Variants in KCNIP4 observed in about 807,000 individuals in gnomAD.
KCNIP4 encodes potassium voltage-gated channel interacting protein 4.
In KCNIP4, 12 loss-of-function variants were observed where a neutral mutation model predicts 34.0. The observed-to-expected ratio is 0.35, with a 90% CI of 0.23 to 0.57. KCNIP4 has a LOEUF of 0.57. Among genes scored for constraint, KCNIP4 ranks in the 20% least tolerant of loss-of-function variants. The pLI is 0.83. For missense variants in KCNIP4, 238 were observed against 311.7 expected, an observed-to-expected ratio of 0.76 and a Z score of 1.78; for synonymous variants, 124 against 102.2, an observed-to-expected ratio of 1.21 and a Z score of -1.29.
rs1005739173 is a variant in KCNIP4, at chr4:21,553,145, G to T, written c.61+395426C>A. 9.4e-5 allele frequency among the ~76,000 whole-genome samples: 10 copies of T among 106,756 alleles called. 1 individual carries two copies. The East Asian group carries it at 6.5e-3, about 70-fold the overall frequency. 70.0% of individuals were successfully genotyped at this position (106,756 alleles called of 152,430 possible). A position where few individuals can be genotyped will look rare whatever the true frequency, so the allele number is the denominator to read the frequency against. ...AAATAACATCTGAAAGCTTAAAGGG[G>T]GGGGTCATAAAAGAGTTGGAATAAC... is the stretch of plus-strand genomic sequence containing the variant. On this transcript the variant is annotated intron_variant, in intron 1 of 8. Coordinates refer to ENST00000382152, the MANE Select transcript of KCNIP4 (RefSeq NM_025221.6).
intron 1 of KCNIP4, among the ~76,000 whole-genome samples, chr4:21,239,146 T>C (rs1424061040): frequency 6.6e-6 from 1 of 151,826 alleles, no homozygotes; most frequent in Non-Finnish European, 1.5e-5. Context: ...ATTTAACAAA[T>C]GGTGCTGGGA....
At chr4:21,257,575 C>A (rs1005949204) in intron 1 of KCNIP4, among the ~76,000 whole-genome samples, 6 of 151,908 alleles carry the variant, frequency 3.9e-5, no homozygotes, top group African/African-American at 1.4e-4. Flanking sequence ...TGGTGAAACC[C>A]TGTCCTCTAC....
At chr4:20,792,343 C>G (rs1288656020) in intron 3 of KCNIP4, among the ~76,000 whole-genome samples, 1 of 151,926 alleles carries the variant, frequency 6.6e-6, no homozygotes, top group African/African-American at 2.4e-5. Flanking sequence ...CCAGCCTGGG[C>G]AACAGAACGA....
intron 1 of KCNIP4, among the ~76,000 whole-genome samples, chr4:21,722,675 A>G (rs183907364): frequency 6.6e-6 from 1 of 152,110 alleles, no homozygotes; most frequent in Admixed American, 6.6e-5. Flanking sequence ...TGGCAAGATC[A>G]TATGGTTACT....
intron 1 of KCNIP4, among the ~76,000 whole-genome samples, chr4:21,386,662 A>C (rs186751981): frequency 6.6e-6 from 1 of 152,324 alleles, no homozygotes. Flanking sequence ...TAGCAGATTC[A>C]GTATAAACAG....
chr4:21,578,319 C>A (rs376958179), intron 1 of KCNIP4, among the ~76,000 whole-genome samples: 5 of 110,374 alleles, frequency 4.5e-5, no homozygotes, highest in East Asian at 5.4e-4. Flanking sequence ...GGTGACAGAG[C>A]GAGACTCCGT....
intron 1 of KCNIP4, among the ~76,000 whole-genome samples, chr4:21,042,846 C>A (rs1240301115): frequency 1.3e-5 from 2 of 152,066 alleles, no homozygotes; most frequent in Non-Finnish European, 2.9e-5. Flanking sequence ...GAGAATGTGT[C>A]TCCATTATGC....
chr4:21,770,563 T>C (rs1321281104), intron 1 of KCNIP4, among the ~76,000 whole-genome samples: 1 of 152,104 alleles, frequency 6.6e-6, no homozygotes, highest in Non-Finnish European at 1.5e-5. Flanking sequence ...CTAATTTACA[T>C]TCCCACCAAC....
intron 3 of KCNIP4, among the ~76,000 whole-genome samples, chr4:20,775,931 C>T (rs1443603560): frequency 1.3e-5 from 2 of 152,138 alleles, no homozygotes; most frequent in African/African-American, 2.4e-5. Flanking sequence ...CAGTCTAACT[C>T]TTATTCCTTT....
At chr4:21,676,323 TAA>T (rs1334000577) in intron 1 of KCNIP4, among the ~76,000 whole-genome samples, 1 of 152,208 alleles carries the variant, frequency 6.6e-6, no homozygotes. Context: ...AATATAAACT[TAA>T]GAGTGACATT....
intron 1 of KCNIP4, among the ~76,000 whole-genome samples, chr4:21,436,041 T>C (rs1455091583): frequency 6.6e-6 from 1 of 152,174 alleles, no homozygotes; most frequent in Non-Finnish European, 1.5e-5. Context: ...CAGGATGCCT[T>C]ATTTCCAGAA....
At chr4:21,571,137 C>T (rs1740336030) in intron 1 of KCNIP4, among the ~76,000 whole-genome samples, 1 of 152,168 alleles carries the variant, frequency 6.6e-6, no homozygotes, top group African/African-American at 2.4e-5. Context: ...TCGTTCAGTT[C>T]ATTTATAATC....
intron 1 of KCNIP4, among the ~76,000 whole-genome samples, chr4:21,421,665 T>C (rs1725461940): frequency 6.6e-6 from 1 of 152,318 alleles, no homozygotes; most frequent in Admixed American, 6.5e-5. Context: ...TCAGTTAAGA[T>C]AAATAAGTTC....
chr4:21,535,944 A>G (rs1298095997), intron 1 of KCNIP4, among the ~76,000 whole-genome samples: 1 of 152,094 alleles, frequency 6.6e-6, no homozygotes. Context: ...TCTCCAAATC[A>G]TCTCCCTTGG....
intron 1 of KCNIP4, among the ~76,000 whole-genome samples, chr4:21,486,133 T>C (rs1731888843): frequency 2.0e-5 from 3 of 152,212 alleles, no homozygotes; most frequent in Admixed American, 6.6e-5. Context: ...AAGCTGCATT[T>C]ATTTACTTTT....
intron 1 of KCNIP4, among the ~76,000 whole-genome samples, chr4:20,936,212 A>T (rs111308726): frequency 2.6e-5 from 4 of 152,298 alleles, no homozygotes; most frequent in African/African-American, 9.6e-5. Context: ...TGGTGAAAGC[A>T]AAGGGGCTGT....
chr4:21,484,368 A>G (rs1030869603), intron 1 of KCNIP4, among the ~76,000 whole-genome samples: 4 of 152,068 alleles, frequency 2.6e-5, no homozygotes, highest in African/African-American at 9.7e-5. Flanking sequence ...TGGAGGTTGC[A>G]GTGAGGCGAG....
intron 1 of KCNIP4, among the ~76,000 whole-genome samples, chr4:21,183,499 A>C (rs1755000389): frequency 6.8e-6 from 1 of 147,856 alleles, no homozygotes; most frequent in Admixed American, 6.8e-5. Context: ...TTGGAGACAG[A>C]GTCTTGCTCT....
rs80014687 is a variant in KCNIP4, at chr4:21,502,241, G to A, written c.61+446330C>T. Among the ~76,000 whole-genome samples, 1,756 of 152,084 alleles carry A rather than the reference G, an allele frequency of 0.012. 70 individuals carry two copies. In the East Asian group the frequency reaches 0.12, roughly 10 times the overall value. ...CACATTCATCCCTATGTCAAGGTCT[G>A]ATACATGCTCAAAATGGGAAAAAGA... On this transcript the variant is annotated intron_variant, in intron 1 of 8. Coordinates refer to ENST00000382152, the MANE Select transcript of KCNIP4 (RefSeq NM_025221.6).
Sources: allele counts gnomAD v4.1 joint callset (sites outside exome capture counted in the v4.1 genomes callset), GRCh38; gene constraint gnomAD v4.1.1; transcripts MANE v1.5; gene names NCBI Gene and HGNC (gene_info 2026-07-23, HGNC 2026-07-21).